The following DAB1 variants were observed in gnomAD, a reference collection of about 807,000 sequenced individuals.
DAB1 encodes disabled homolog 1.
DAB1 carries 15 observed loss-of-function variants against 64.6 expected under a neutral mutation model. The observed-to-expected ratio is 0.23, with a 90% CI of 0.16 to 0.36. DAB1 has a LOEUF of 0.36. DAB1 is among the 10% of genes least tolerant of loss of function. The pLI is 1.00. For synonymous variants in DAB1, 235 were observed against 251.9 expected, an observed-to-expected ratio of 0.93 and a Z score of 0.64; for missense variants, 596 against 706.7, an observed-to-expected ratio of 0.84 and a Z score of 1.78.
intron 5 of DAB1, among the ~76,000 whole-genome samples, chr1:58,135,411 T>C (rs537093807): frequency 2.0e-5 from 3 of 152,314 alleles, no homozygotes; most frequent in African/African-American, 7.2e-5. Context: ...CTTGACTAGC[T>C]ACCAGGTACC....
At chr1:57,709,596 A>G (rs1647004247) in intron 6 of DAB1, among the ~76,000 whole-genome samples, 1 of 152,130 alleles carries the variant, frequency 6.6e-6, no homozygotes, top group Admixed American at 6.6e-5. Flanking sequence ...TGAAAGAAAA[A>G]AAAGAGCTCT....
At chr1:57,575,524 G>T (rs1314488796) in intron 7 of DAB1, among the ~76,000 whole-genome samples, 1 of 152,168 alleles carries the variant, frequency 6.6e-6, no homozygotes, top group Non-Finnish European at 1.5e-5. Flanking sequence ...GTCACATGAT[G>T]TAGAAAATGC....
At chr1:57,864,575 CT>C (rs1654208102) in intron 1 of DAB1, 1 of 152,042 alleles carries the variant, frequency 6.6e-6, no homozygotes, top group Non-Finnish European at 1.5e-5. Context: ...TTTGTGAAGA[CT>C]CCAGCAGTAT....
chr1:57,309,309 A>G (rs1674469414), intron 1 of DAB1, among the ~76,000 whole-genome samples: 1 of 152,212 alleles, frequency 6.6e-6, no homozygotes, highest in Admixed American at 6.5e-5. Context: ...TGGTCCACTG[A>G]GCCCATCGTT....
intron 4 of DAB1, among the ~76,000 whole-genome samples, chr1:58,244,177 G>A (rs546337620): frequency 4.7e-4 from 72 of 152,268 alleles, no homozygotes; most frequent in Admixed American, 2.2e-3. Flanking sequence ...TTTGAGAATT[G>A]ATAGAATAAC....
intron 1 of DAB1, among the ~76,000 whole-genome samples, chr1:57,367,035 T>C (rs1327485124): frequency 2.6e-5 from 3 of 113,738 alleles, no homozygotes; most frequent in Non-Finnish European, 6.1e-5. Flanking sequence ...AGTGAGACCC[T>C]GTCTCCACAA....
At chr1:57,784,294 T>C (rs948162263) in intron 6 of DAB1, among the ~76,000 whole-genome samples, 2 of 152,070 alleles carry the variant, frequency 1.3e-5, no homozygotes, top group Non-Finnish European at 2.9e-5. Flanking sequence ...CACAGGAGTC[T>C]GAGGTGGGAG....
chr1:57,869,200 T>G lies in DAB1; in HGVS notation n.87+14799A>C, dbSNP rs114044755. 9.0e-3 allele frequency among the ~76,000 whole-genome samples: 1,376 copies of G among 152,178 alleles called. 20 individuals are homozygous for G. The highest frequency in any genetic ancestry group is 0.032 in the African/African-American group (1,329 of 41,532). On this transcript the variant is annotated intron_variant and non_coding_transcript_variant, in intron 1 of 1. Transcript: ENST00000477280. ...CTTCGTCTCTGAGAGTATTTCCTCA[T>G]GGGTAAAATGCAGGTAACAACAATT...
intron 9 of DAB1, among the ~76,000 whole-genome samples, chr1:57,032,355 A>G (rs999149310): frequency 6.6e-5 from 10 of 152,150 alleles, no homozygotes; most frequent in Admixed American, 3.3e-4. Flanking sequence ...TGGCTGTTTT[A>G]TGGAAACACA....
At chr1:57,040,958 C>T (rs1478426614) in intron 9 of DAB1, among the ~76,000 whole-genome samples, 1 of 152,170 alleles carries the variant, frequency 6.6e-6, no homozygotes, top group African/African-American at 2.4e-5. Flanking sequence ...TGCTGTGCCT[C>T]TCTTGGAGGG....
rs555406451 is a variant in DAB1, at chr1:57,729,816, T to G, written n.552-80151A>C. On this transcript the variant is annotated intron_variant and non_coding_transcript_variant, in intron 6 of 20. Transcript: ENST00000485760. ...TGGCTCACACCTGTAATCTCAGTGC[T>G]TTAAGAGGCTAAGGCCAGAGGATCG... Among the ~76,000 whole-genome samples the G allele has an allele frequency of 5.3e-5, 8 of 152,312 alleles. No homozygotes were observed. The South Asian group carries it at 1.7e-3, about 32-fold the overall frequency.
chr1:58,440,778 G>A (rs556823169), intron 3 of DAB1, among the ~76,000 whole-genome samples: 10 of 152,316 alleles, frequency 6.6e-5, no homozygotes, highest in Admixed American at 5.2e-4. Context: ...ATAGCTGAGA[G>A]AGCTGAGGCA....
upstream of DAB1, among the ~76,000 whole-genome samples, chr1:57,425,369 C>T (rs1400967279): frequency 6.6e-6 from 1 of 151,398 alleles, no homozygotes; most frequent in East Asian, 1.9e-4. Flanking sequence ...TTTTTTTTCT[C>T]GTAGCTTCTG....
At chr1:57,869,643 A>C (rs1162639103) in intron 1 of DAB1, among the ~76,000 whole-genome samples, 2 of 152,126 alleles carry the variant, frequency 1.3e-5, no homozygotes, top group African/African-American at 4.8e-5. Context: ...TAACTACCAC[A>C]GACCACACTC....
intron 1 of DAB1, among the ~76,000 whole-genome samples, chr1:57,359,563 T>G (rs1044548678): frequency 3.3e-5 from 5 of 152,008 alleles, no homozygotes; most frequent in African/African-American, 1.2e-4. Flanking sequence ...AGAACTACCA[T>G]ATGATCCAGC....
chr1:58,076,155 A>G (rs1346541062), intron 5 of DAB1, among the ~76,000 whole-genome samples: 1 of 152,184 alleles, frequency 6.6e-6, no homozygotes, highest in Non-Finnish European at 1.5e-5. Context: ...ACTAGCACTG[A>G]GACAAAGATC....
At chr1:57,966,795 A>T (rs1382881281) in intron 5 of DAB1, among the ~76,000 whole-genome samples, 2 of 152,178 alleles carry the variant, frequency 1.3e-5, no homozygotes, top group Non-Finnish European at 2.9e-5. Flanking sequence ...AGAAGAGTAC[A>T]TATACCAAGA....
At chr1:57,883,629 C>T (rs1230331655) in intron 1 of DAB1, among the ~76,000 whole-genome samples, 1 of 152,176 alleles carries the variant, frequency 6.6e-6, no homozygotes, top group African/African-American at 2.4e-5. Context: ...TCTTAGGCAG[C>T]CAAGATAGCA....
intron 2 of DAB1, among the ~76,000 whole-genome samples, chr1:57,236,707 G>C (rs1557998020): frequency 6.6e-6 from 1 of 152,176 alleles, no homozygotes; most frequent in Non-Finnish European, 1.5e-5. Flanking sequence ...GAGAAATCTT[G>C]ATATATGAGA....
Sources: gnomAD v4.1 joint callset for allele counts (sites outside exome capture counted in the v4.1 genomes callset) on GRCh38, gnomAD v4.1.1 for gene constraint, MANE v1.5 for transcripts, NCBI Gene and HGNC (gene_info 2026-07-23, HGNC 2026-07-21) for gene names.